LCORL: variants seen among roughly 807,000 people sequenced by gnomAD.
The protein encoded by LCORL is ligand-dependent nuclear receptor corepressor-like protein.
LCORL carries 41 observed loss-of-function variants against 141.8 expected under a neutral mutation model. That is an observed-to-expected ratio of 0.29 (90% CI 0.23 to 0.38). The LOEUF (loss-of-function observed/expected upper bound fraction) is 0.38, where lower values mean the gene tolerates loss of function less well. Among genes scored for constraint, LCORL ranks in the 10% least tolerant of loss-of-function variants. The probability of loss-of-function intolerance (pLI) is 1.00; values close to 1 mark genes in which losing one functional copy is unlikely to be tolerated. For synonymous variants in LCORL, 618 were observed against 694.1 expected (o/e 0.89, Z 1.72); for missense variants, 1,759 against 2,035.0 (o/e 0.86, Z 2.61).
At chr4:17,934,135 T>C (rs539399368) in intron 4 of LCORL, among the ~76,000 whole-genome samples, 262 of 152,210 alleles carry the variant, frequency 1.7e-3, no homozygotes, top group African/African-American at 6.1e-3. Flanking sequence ...TGCATGATAC[T>C]GTAATGAAGG....
At chr4:17,842,266 G>A (rs779886523) in exon 8 of LCORL, 2 of 1,554,782 alleles carry the variant, frequency 1.3e-6, no homozygotes, top group Non-Finnish European at 1.8e-6. Flanking sequence ...AAAACAAAAA[G>A]CAACTGATAA....
At chr4:17,894,726 A>T (rs1253313705) in intron 5 of LCORL, among the ~76,000 whole-genome samples, 1 of 152,138 alleles carries the variant, frequency 6.6e-6, no homozygotes, top group Non-Finnish European at 1.5e-5. Context: ...ATGAGAGTAA[A>T]AAGAACAAAT....
At chr4:17,927,790 T>C (rs370244898) in intron 4 of LCORL, among the ~76,000 whole-genome samples, 2 of 152,184 alleles carry the variant, frequency 1.3e-5, no homozygotes, top group Admixed American at 1.3e-4. Flanking sequence ...CCATAATAGA[T>C]ATAATAGTAA....
At chr4:17,882,019 G>A in intron 6 of LCORL, 1 of 982,432 alleles carries the variant, frequency 1.0e-6, no homozygotes, top group Non-Finnish European at 1.2e-6. Flanking sequence ...TAGTGTGCAG[G>A]TAACATTAAT....
At chr4:17,964,304 A>C (rs79320874) in intron 2 of LCORL, among the ~76,000 whole-genome samples, 11,765 of 152,106 alleles carry the variant, frequency 0.077, 666 homozygotes, top group Non-Finnish European at 0.12. Context: ...TCAAGCCACA[A>C]AGTTGTTTTA....
At chr4:17,909,582 T>A (rs1732174543) in intron 4 of LCORL, among the ~76,000 whole-genome samples, 1 of 151,994 alleles carries the variant, frequency 6.6e-6, no homozygotes, top group Non-Finnish European at 1.5e-5. Context: ...CATTCTCTGG[T>A]CCCAAACTAA....
chr4:17,954,439 G>A (rs558602970), intron 4 of LCORL, among the ~76,000 whole-genome samples: 7 of 152,274 alleles, frequency 4.6e-5, no homozygotes, highest in African/African-American at 1.7e-4. Context: ...GGTCAAGGAG[G>A]AGACAGAACC....
intron 4 of LCORL, among the ~76,000 whole-genome samples, chr4:17,945,843 A>C (rs1738790403): frequency 6.6e-6 from 1 of 152,014 alleles, no homozygotes. Context: ...TAATTGTCAC[A>C]GTAGTTTCAC....
chr4:17,994,160 AAATT>A (rs1331288089), intron 1 of LCORL, among the ~76,000 whole-genome samples: 3 of 152,224 alleles, frequency 2.0e-5, no homozygotes, highest in Non-Finnish European at 4.4e-5. Flanking sequence ...TTTCCTAATT[AAATT>A]AATTAAAACA....
At chr4:17,956,707 A>G (rs755682212) in intron 4 of LCORL, among the ~76,000 whole-genome samples, 35 of 152,012 alleles carry the variant, frequency 2.3e-4, no homozygotes, top group Non-Finnish European at 4.3e-4. Context: ...GCTAGAAGGA[A>G]TAAGTTTTAG....
chr4:17,906,717 T>C (rs1228099461), intron 5 of LCORL, among the ~76,000 whole-genome samples: 1 of 150,022 alleles, frequency 6.7e-6, no homozygotes, highest in East Asian at 1.9e-4. Context: ...AGACAGAGTC[T>C]TGCTCTGTTG....
chr4:17,856,932 T>C (rs1208042893), intron 7 of LCORL, among the ~76,000 whole-genome samples: 2 of 152,224 alleles, frequency 1.3e-5, no homozygotes, highest in Non-Finnish European at 2.9e-5. Context: ...TTGTTTTCTA[T>C]GTTTGTTTTT....
At chr4:17,850,768 C>T (rs1229231465) in intron 7 of LCORL, among the ~76,000 whole-genome samples, 1 of 151,782 alleles carries the variant, frequency 6.6e-6, no homozygotes, top group Non-Finnish European at 1.5e-5. Context: ...CCCAGCCATC[C>T]CATTACTGGA....
intron 1 of LCORL, among the ~76,000 whole-genome samples, chr4:18,008,212 A>G (rs1210767981): frequency 6.6e-6 from 1 of 152,180 alleles, no homozygotes; most frequent in Non-Finnish European, 1.5e-5. Flanking sequence ...AGCCTTGCCC[A>G]CTAACTCCAT....
chr4:17,989,737 T>G (rs919571671), intron 1 of LCORL, among the ~76,000 whole-genome samples: 5 of 152,250 alleles, frequency 3.3e-5, no homozygotes, highest in Non-Finnish European at 7.3e-5. Flanking sequence ...ATTTATCTAC[T>G]GTGATATAAC....
At chr4:17,883,206 A>C (rs1727807791) in intron 6 of LCORL, 1 of 981,032 alleles carries the variant, frequency 1.0e-6, no homozygotes, top group Non-Finnish European at 1.2e-6. Flanking sequence ...AATACTGTAT[A>C]TATTAATTTT....
intron 7 of LCORL, among the ~76,000 whole-genome samples, chr4:17,846,544 T>C (rs1722959711): frequency 6.6e-6 from 1 of 152,166 alleles, no homozygotes; most frequent in Admixed American, 6.5e-5. Context: ...CAGAGGAGCA[T>C]GCGGCATCCA....
At chr4:17,962,375 C>G (rs1209790379) in intron 3 of LCORL, among the ~76,000 whole-genome samples, 4 of 151,934 alleles carry the variant, frequency 2.6e-5, no homozygotes, top group Non-Finnish European at 5.9e-5. Context: ...ACCCACTAAT[C>G]TGACCAAAAT....
At chr4:17,960,444 A>T (rs1713552501) in intron 4 of LCORL, 1 of 153,968 alleles carries the variant, frequency 6.5e-6, no homozygotes, top group Non-Finnish European at 1.5e-5. Flanking sequence ...GACTCAAAGG[A>T]AAAAGAGACT....
Sources: gnomAD v4.1 joint callset for allele counts (sites outside exome capture counted in the v4.1 genomes callset) on GRCh38, gnomAD v4.1.1 for gene constraint, MANE v1.5 for transcripts, NCBI Gene and HGNC (gene_info 2026-07-23, HGNC 2026-07-21) for gene names.